The following TAAR5 variants were observed in gnomAD, a reference collection of about 807,000 sequenced individuals.
TAAR5 encodes trace amine associated receptor 5.
In TAAR5, 27 loss-of-function variants were observed where a neutral mutation model predicts 21.1. That is an observed-to-expected ratio of 1.28 (90% confidence interval 0.94 to 1.76). The LOEUF (loss-of-function observed/expected upper bound fraction) is 1.76, where lower values mean the gene tolerates loss of function less well. Among genes scored for constraint, TAAR5 ranks in the 40% most tolerant of loss-of-function variants. The pLI is 0.00. For synonymous variants in TAAR5, 203 were observed against 167.5 expected (o/e 1.21, Z -1.64); for missense variants, 495 against 405.6 (o/e 1.22, Z -1.89).
the TAAR5 span, chr6:132,608,682 T>C: frequency 6.6e-6 from 3 of 455,840 alleles, no homozygotes; most frequent in Admixed American, 7.1e-5. Flanking sequence ...TGAACAATAT[T>C]GTCCCCCAGA....
At chr6:132,596,462 C>A in the TAAR5 span, among the ~76,000 whole-genome samples, 3 of 152,044 alleles carry the variant, frequency 2.0e-5, no homozygotes, top group Non-Finnish European at 4.4e-5. Flanking sequence ...GGAAAATGAA[C>A]CCACAAGCAC....
chr6:132,600,577 C>G, the TAAR5 span, among the ~76,000 whole-genome samples: 2 of 151,982 alleles, frequency 1.3e-5, no homozygotes, highest in East Asian at 1.9e-4. Context: ...AAAGTAGGAA[C>G]AACAAAGGTT....
chr6:132,600,612 C>T, the TAAR5 span, among the ~76,000 whole-genome samples: 1 of 152,146 alleles, frequency 6.6e-6, no homozygotes, highest in Non-Finnish European at 1.5e-5. Context: ...AAAACAATTA[C>T]ATGCTTTGGA....
chr6:132,613,369 C>T, the TAAR5 span, among the ~76,000 whole-genome samples: 1 of 152,154 alleles, frequency 6.6e-6, no homozygotes, highest in Non-Finnish European at 1.5e-5. Flanking sequence ...ATTGTTCCTG[C>T]CTTCCTCCCT....
chr6:132,589,294 G>T lies in TAAR5; in HGVS notation c.393C>A (p.Asp131Glu). The part of the protein sequence containing the change: ...SIFHLCFISI[D>E]RHCAICDPLL... Reference sequence around the variant, plus strand: ...GGGGGTCACAGATGGCACAGTGGCGGTCAATGGAAATGAAACAGAGATGGA... The same window carrying T: ...GGGGGTCACAGATGGCACAGTGGCGTTCAATGGAAATGAAACAGAGATGGA... The change falls in exon 1 of 1, where the codon GAC becomes GAA. Residue 131 changes from aspartate (D) to glutamate (E), a missense_variant. Transcript: ENST00000258034. 1 of 1,612,900 alleles carries T rather than the reference G, an allele frequency of 6.2e-7. No individual in the cohort carries two copies.
the TAAR5 span, among the ~76,000 whole-genome samples, chr6:132,602,110 C>T: frequency 6.6e-6 from 1 of 151,504 alleles, no homozygotes; most frequent in Non-Finnish European, 1.5e-5. Flanking sequence ...TTAATTAAAA[C>T]TTTATTTTAG....
chr6:132,612,506 A>G, the TAAR5 span, among the ~76,000 whole-genome samples: 1 of 152,152 alleles, frequency 6.6e-6, no homozygotes, highest in Non-Finnish European at 1.5e-5. Context: ...AGGAGCTGAG[A>G]GATTTTGTGT....
upstream of TAAR5, among the ~76,000 whole-genome samples, chr6:132,591,321 TA>T (rs1210851166): frequency 6.6e-6 from 1 of 152,170 alleles, no homozygotes; most frequent in Non-Finnish European, 1.5e-5. Flanking sequence ...TCAGTCAAAC[TA>T]AAGTTGTAAA....
At chr6:132,616,096 C>A in the TAAR5 span, among the ~76,000 whole-genome samples, 1 of 152,100 alleles carries the variant, frequency 6.6e-6, no homozygotes, top group African/African-American at 2.4e-5. Flanking sequence ...CATTTCAGGA[C>A]ATTACATTTA....
chr6:132,589,293 G>T lies in TAAR5; in HGVS notation c.394C>A (p.Arg132Ser), dbSNP rs147580046. The T allele has an allele frequency of 3.1e-6, 5 of 1,612,582 alleles. No homozygotes were observed. Among genetic ancestry groups the T allele is most frequent in the Non-Finnish European group, 4.2e-6 (5 of 1,179,346 alleles). The change falls in exon 1 of 1, where the codon CGC becomes AGC. Residue 132 changes from arginine to serine, a missense_variant. Arg to Ser is a moderately radical substitution (Grantham distance 110). Transcript: ENST00000258034. ...IFHLCFISID[R>S]HCAICDPLLY... ...AGGGGGTCACAGATGGCACAGTGGC[G>T]GTCAATGGAAATGAAACAGAGATGG...
At chr6:132,600,909 GA>G in the TAAR5 span, among the ~76,000 whole-genome samples, 12 of 122,208 alleles carry the variant, frequency 9.8e-5, no homozygotes, top group South Asian at 3.1e-4. Context: ...GGGAAGGAGG[GA>G]AAGAAGGAAG....
At chr6:132,613,740 T>A in the TAAR5 span, among the ~76,000 whole-genome samples, 2 of 152,284 alleles carry the variant, frequency 1.3e-5, no homozygotes, top group Non-Finnish European at 2.9e-5. Flanking sequence ...CAACACCAAG[T>A]TAGGAATCTA....
the TAAR5 span, among the ~76,000 whole-genome samples, chr6:132,614,231 C>A: frequency 6.6e-6 from 1 of 152,100 alleles, no homozygotes; most frequent in African/African-American, 2.4e-5. Context: ...ATACATAATG[C>A]CAAAGAGGAA....
upstream of TAAR5, chr6:132,594,489 G>A (rs1451187001): frequency 6.6e-6 from 1 of 152,166 alleles, no homozygotes; most frequent in East Asian, 1.9e-4. Context: ...CAAGGATAAA[G>A]CATGCCATAT....
upstream of TAAR5, chr6:132,594,658 G>A (rs527594318): frequency 6.6e-6 from 1 of 152,150 alleles, no homozygotes; most frequent in Non-Finnish European, 1.5e-5. Context: ...CTAAGGTCCT[G>A]GTGGCCTTGC....
At chr6:132,604,123 T>TTTTTC in the TAAR5 span, among the ~76,000 whole-genome samples, 2 of 144,842 alleles carry the variant, frequency 1.4e-5, no homozygotes, top group Non-Finnish European at 3.1e-5. Flanking sequence ...TTTAACATAT[T>TTTTTC]TTTTCTTTTC....
the TAAR5 span, chr6:132,608,489 C>T: frequency 2.2e-6 from 1 of 455,904 alleles, no homozygotes; most frequent in Non-Finnish European, 4.4e-6. Context: ...GCCAGAAACA[C>T]CCCCATTACT....
At chr6:132,614,873 G>C in the TAAR5 span, among the ~76,000 whole-genome samples, 1 of 151,952 alleles carries the variant, frequency 6.6e-6, no homozygotes, top group African/African-American at 2.4e-5. Flanking sequence ...TTTTGGTTTT[G>C]GTTTTCTTTG....
chr6:132,598,594 C>T, the TAAR5 span, among the ~76,000 whole-genome samples: 3 of 152,184 alleles, frequency 2.0e-5, no homozygotes, highest in African/African-American at 7.2e-5. Flanking sequence ...AGGTAGGCTC[C>T]TAGCAGGCTG....
Sources: gnomAD v4.1 joint callset for allele counts (sites outside exome capture counted in the v4.1 genomes callset) on GRCh38, gnomAD v4.1.1 for gene constraint, MANE v1.5 for transcripts, NCBI Gene and HGNC (gene_info 2026-07-23, HGNC 2026-07-21) for gene names.